OPCML: variants seen among roughly 807,000 people sequenced by gnomAD.
OPCML encodes the protein opioid-binding protein/cell adhesion molecule.
A neutral mutation model predicts 37.8 loss-of-function variants in OPCML; 13 were observed. The ratio of observed to expected loss-of-function variants is 0.34; its 90% CI spans 0.22 to 0.55. OPCML has a LOEUF of 0.55. Among genes scored for constraint, OPCML ranks in the 20% least tolerant of loss-of-function variants. The pLI, the probability that OPCML is intolerant of heterozygous loss-of-function variation, is 0.91. For missense variants in OPCML, 341 were observed against 435.6 expected (o/e 0.78, Z 1.93); for synonymous variants, 176 against 168.8 (o/e 1.04, Z -0.33).
At chr11:132,767,546 T>G (rs1243789180) in intron 2 of OPCML, among the ~76,000 whole-genome samples, 1 of 152,220 alleles carries the variant, frequency 6.6e-6, no homozygotes, top group Admixed American at 6.5e-5. Flanking sequence ...GGGACTGACT[T>G]CCATAGTGTG....
intron 1 of OPCML, among the ~76,000 whole-genome samples, chr11:133,440,343 G>A (rs1179633537): frequency 6.7e-6 from 1 of 149,974 alleles, no homozygotes; most frequent in Non-Finnish European, 1.5e-5. Flanking sequence ...AGGTTGCGGT[G>A]AGCCAAGATC....
chr11:132,923,104 T>A (rs913370860), intron 2 of OPCML, among the ~76,000 whole-genome samples: 1 of 143,264 alleles, frequency 7.0e-6, no homozygotes, highest in Admixed American at 6.9e-5. Flanking sequence ...ATAATAATAA[T>A]AATAATAATA....
intron 1 of OPCML, chr11:133,423,428 G>T (rs1430967919): frequency 1.0e-6 from 1 of 985,280 alleles, no homozygotes; most frequent in African/African-American, 1.7e-5. Flanking sequence ...AGTTCCGCCT[G>T]CAATGCATCT....
At chr11:132,476,622 T>C (rs2096156917) in intron 4 of OPCML, among the ~76,000 whole-genome samples, 1 of 151,958 alleles carries the variant, frequency 6.6e-6, no homozygotes, top group Non-Finnish European at 1.5e-5. Flanking sequence ...TTCTCACTCA[T>C]AGGTGGGAAT....
chr11:132,469,700 GTGTATGTGT>G (rs2096130556), intron 4 of OPCML, among the ~76,000 whole-genome samples: 1 of 143,226 alleles, frequency 7.0e-6, no homozygotes, highest in African/African-American at 2.6e-5. Flanking sequence ...GTGTATGTGT[GTGTATGTGT>G]GGAGGGGAGT....
intron 3 of OPCML, among the ~76,000 whole-genome samples, chr11:132,609,037 C>A (rs1938476304): frequency 6.6e-6 from 1 of 152,096 alleles, no homozygotes. Flanking sequence ...TACTATGATG[C>A]AGGCCTTCTT....
chr11:133,056,831 GCTTA>G (rs748477849), intron 1 of OPCML, among the ~76,000 whole-genome samples: 1 of 152,090 alleles, frequency 6.6e-6, no homozygotes, highest in Admixed American at 6.5e-5. Flanking sequence ...ACATTAGGTG[GCTTA>G]CTTATTTATT....
chr11:132,665,118 G>A (rs183314425), intron 2 of OPCML, among the ~76,000 whole-genome samples: 9 of 152,212 alleles, frequency 5.9e-5, no homozygotes, highest in Admixed American at 1.3e-4. Context: ...TGTGTGGAGC[G>A]GGAGGGGAGG....
At chr11:132,924,080 C>A (rs1452815477) in intron 2 of OPCML, among the ~76,000 whole-genome samples, 3 of 151,604 alleles carry the variant, frequency 2.0e-5, no homozygotes, top group African/African-American at 2.4e-5. Flanking sequence ...AAATCGAAAT[C>A]TTGTTCCTGC....
intron 1 of OPCML, among the ~76,000 whole-genome samples, chr11:133,051,064 C>A (rs1020921033): frequency 2.6e-5 from 4 of 151,200 alleles, no homozygotes; most frequent in Non-Finnish European, 5.9e-5. Flanking sequence ...TACATACACA[C>A]ACACACACAC....
intron 1 of OPCML, among the ~76,000 whole-genome samples, chr11:132,972,297 A>G (rs1946361994): frequency 6.6e-6 from 1 of 152,200 alleles, no homozygotes. Context: ...ATGACTGGGC[A>G]AGCCATTTAA....
chr11:132,820,497 G>GGT (rs1555193982), intron 2 of OPCML, among the ~76,000 whole-genome samples: 1 of 151,874 alleles, frequency 6.6e-6, no homozygotes, highest in Non-Finnish European at 1.5e-5. Context: ...ATATATATGT[G>GGT]GTGTGTGTGT....
At chr11:133,036,428 C>G (rs1202555954) in intron 1 of OPCML, among the ~76,000 whole-genome samples, 1 of 152,130 alleles carries the variant, frequency 6.6e-6, no homozygotes, top group Non-Finnish European at 1.5e-5. Flanking sequence ...GTTTACATGC[C>G]CACATGCTAT....
chr11:133,104,774 C>A (rs1949133012), intron 1 of OPCML, among the ~76,000 whole-genome samples: 1 of 152,150 alleles, frequency 6.6e-6, no homozygotes, highest in Non-Finnish European at 1.5e-5. Flanking sequence ...ATTTCACTTT[C>A]CTTCAGATTG....
At chr11:133,067,774 CAT>C (rs1347995558) in intron 1 of OPCML, 1 of 152,204 alleles carries the variant, frequency 6.6e-6, no homozygotes, top group Non-Finnish European at 1.5e-5. Context: ...TCAGGGATGT[CAT>C]CCCTCAACCC....
At chr11:133,236,191 G>A (rs1428598559) in intron 1 of OPCML, among the ~76,000 whole-genome samples, 2 of 152,072 alleles carry the variant, frequency 1.3e-5, no homozygotes, top group East Asian at 1.9e-4. Context: ...CATGCACTGC[G>A]ATAATCCCCA....
At chr11:133,101,910 G>A (rs1160392010) in intron 1 of OPCML, among the ~76,000 whole-genome samples, 1 of 151,964 alleles carries the variant, frequency 6.6e-6, no homozygotes, top group Non-Finnish European at 1.5e-5. Flanking sequence ...ATCAAGCCAA[G>A]AAAAGACATA....
chr11:132,919,728 C>T (rs1460924594), intron 2 of OPCML, among the ~76,000 whole-genome samples: 3 of 152,100 alleles, frequency 2.0e-5, no homozygotes, highest in South Asian at 2.1e-4. Flanking sequence ...CTCCTCACCT[C>T]GGAATTACAA....
intron 2 of OPCML, among the ~76,000 whole-genome samples, chr11:132,810,035 G>A (rs1225823687): frequency 6.6e-5 from 10 of 152,032 alleles, no homozygotes; most frequent in Non-Finnish European, 1.5e-4. Context: ...ATTTTTAGTA[G>A]AGACGGGATT....
Sources: gnomAD v4.1 joint callset for allele counts (sites outside exome capture counted in the v4.1 genomes callset) on GRCh38, gnomAD v4.1.1 for gene constraint, MANE v1.5 for transcripts, NCBI Gene and HGNC (gene_info 2026-07-23, HGNC 2026-07-21) for gene names.